CKAP5: variants seen among roughly 807,000 people sequenced by gnomAD.
The protein encoded by CKAP5 is cytoskeleton associated protein 5.
A neutral mutation model predicts 232.8 loss-of-function variants in CKAP5; 27 were observed. The ratio of observed to expected loss-of-function variants is 0.12; its 90% confidence interval spans 0.09 to 0.16. The LOEUF (loss-of-function observed/expected upper bound fraction) is 0.16, where lower values mean the gene tolerates loss of function less well. Ranked by LOEUF, CKAP5 falls within the 10% of genes least tolerant of loss-of-function variation. The probability of loss-of-function intolerance (pLI) is 1.00; values close to 1 mark genes in which losing one functional copy is unlikely to be tolerated. For missense variants in CKAP5, 1,838 were observed against 2,424.7 expected (o/e 0.76, Z 5.08); for synonymous variants, 785 against 841.1 (o/e 0.93, Z 1.16).
intron 32 of CKAP5, 41 bp from the exon 33 acceptor site, chr11:46,760,825 A>G: frequency 6.5e-7 from 1 of 1,535,338 alleles, no homozygotes; most frequent in Non-Finnish European, 8.9e-7. Context: ...TGGATAACAC[A>G]ATAATATCTA....
At chr11:46,774,590 A>G (rs983000102) in intron 24 of CKAP5, among the ~76,000 whole-genome samples, 1 of 152,232 alleles carries the variant, frequency 6.6e-6, no homozygotes, top group Non-Finnish European at 1.5e-5. Context: ...TTCAAATTAT[A>G]CTACAAGGCT....
At chr11:46,760,841 A>C (rs2065148485) in intron 32 of CKAP5, 57 bp from the exon 33 acceptor site, 2 of 1,451,318 alleles carry the variant, frequency 1.4e-6, no homozygotes, top group Non-Finnish European at 1.9e-6. Context: ...ATCTATTTTC[A>C]TATCAAAACA....
At chr11:46,841,633 G>C (rs1029604637) in intron 1 of CKAP5, among the ~76,000 whole-genome samples, 8 of 152,260 alleles carry the variant, frequency 5.3e-5, no homozygotes, top group African/African-American at 1.9e-4. Context: ...GTTATCCATG[G>C]AATCCAGAGA....
intron 7 of CKAP5, 47 bp from the exon 8 acceptor site, chr11:46,808,191 G>A: frequency 8.1e-7 from 1 of 1,228,978 alleles, no homozygotes; most frequent in Non-Finnish European, 1.2e-6. Flanking sequence ...TAAGAGAGCG[G>A]AATAAAAGTC....
intron 1 of CKAP5, among the ~76,000 whole-genome samples, chr11:46,825,801 T>C (rs566704717): frequency 6.6e-6 from 1 of 151,928 alleles, no homozygotes; most frequent in African/African-American, 2.4e-5. Flanking sequence ...TGCATACACA[T>C]GCCCAGAAAT....
intron 13 of CKAP5, among the ~76,000 whole-genome samples, chr11:46,791,336 A>G (rs1410401117): frequency 6.7e-6 from 1 of 150,278 alleles, no homozygotes; most frequent in East Asian, 2.0e-4. Flanking sequence ...TATAGCCTTG[A>G]CCTCCTGGGC....
intron 24 of CKAP5, among the ~76,000 whole-genome samples, chr11:46,775,273 C>T (rs1168019616): frequency 6.6e-6 from 1 of 152,150 alleles, no homozygotes; most frequent in Non-Finnish European, 1.5e-5. Context: ...CAAATCAAAA[C>T]ACAATGAGAT....
intron 4 of CKAP5, among the ~76,000 whole-genome samples, chr11:46,812,330 G>A (rs917648250): frequency 1.5e-4 from 22 of 151,120 alleles, no homozygotes; most frequent in Admixed American, 6.6e-5. Context: ...GCAAGGTTCC[G>A]TCTCAAAAAA....
At chr11:46,794,023 T>C (rs1938809893) in intron 13 of CKAP5, among the ~76,000 whole-genome samples, 1 of 152,152 alleles carries the variant, frequency 6.6e-6, no homozygotes, top group Non-Finnish European at 1.5e-5. Flanking sequence ...GGACAGTCTA[T>C]TCAACAAATG....
At chr11:46,835,731 G>A (rs1484537823) in intron 1 of CKAP5, among the ~76,000 whole-genome samples, 1 of 152,138 alleles carries the variant, frequency 6.6e-6, no homozygotes, top group Non-Finnish European at 1.5e-5. Context: ...CCGAATATAT[G>A]TAGATACCCT....
intron 23 of CKAP5, among the ~76,000 whole-genome samples, 187 bp downstream of exon 23, chr11:46,777,252 A>G (rs1430990881): frequency 2.0e-5 from 3 of 152,242 alleles, no homozygotes; most frequent in East Asian, 1.9e-4. Context: ...CACAAAACTA[A>G]TAAGTGATAC....
At chr11:46,793,721 G>A (rs974760826) in intron 13 of CKAP5, among the ~76,000 whole-genome samples, 7 of 152,146 alleles carry the variant, frequency 4.6e-5, no homozygotes, top group African/African-American at 1.2e-4. Flanking sequence ...TCAGGAGTTC[G>A]AGACCAGCTT....
chr11:46,808,186 G>C (rs1309485941), intron 7 of CKAP5, 42 bp from the exon 8 acceptor site: 1 of 1,288,928 alleles, frequency 7.8e-7, no homozygotes, highest in Admixed American at 1.9e-5. Context: ...GGAAATAAGA[G>C]AGCGGAATAA....
intron 32 of CKAP5, 116 bp downstream of exon 32, chr11:46,761,884 G>A (rs1331773806): frequency 5.4e-6 from 4 of 740,850 alleles, no homozygotes; most frequent in African/African-American, 5.2e-5. Flanking sequence ...GATAGGTTGA[G>A]TTGACTAAAA....
In CKAP5 at chr11:46,744,597, A is replaced by G; in HGVS notation, c.5705-20T>C. On this transcript the variant is annotated intron_variant, in intron 42 of 43. Coordinates refer to ENST00000529230, the MANE Select transcript of CKAP5 (RefSeq NM_001008938.4). ...AGATGCCTAGAGGGGAAAAAGTAGAAAGAATATTCAGATATCCACATATCC... is the reference window on the plus strand; with the variant it reads ...AGATGCCTAGAGGGGAAAAAGTAGAGAGAATATTCAGATATCCACATATCC... The G allele has an allele frequency of 6.2e-7, 1 of 1,610,820 alleles. No homozygotes were observed. Among genetic ancestry groups the G allele is most frequent in the South Asian group, 1.1e-5 (1 of 90,914 alleles).
Position 46,758,903 on chromosome 11 carries a change from C to A in CKAP5, c.4689+20G>T. 1.2e-6 allele frequency: 2 copies of A among 1,612,900 alleles called. No homozygotes were observed. Among genetic ancestry groups the A allele is most frequent in the South Asian group, 1.1e-5 (1 of 90,882 alleles). The stretch of plus-strand genomic sequence containing the variant: ...CTATGTCCACCAATGGAATCCCTGT[C>A]ACGGGAGCACACCCATTACCTGTGT... On this transcript the variant is annotated intron_variant, in intron 35 of 43. Transcript: ENST00000529230.
intron 3 of CKAP5, among the ~76,000 whole-genome samples, chr11:46,817,627 G>T (rs1206846990): frequency 6.6e-6 from 1 of 152,142 alleles, no homozygotes; most frequent in African/African-American, 2.4e-5. Context: ...AATCTTTGAA[G>T]TAAGTCAAGT....
chr11:46,749,457 GAAA>G (rs951405505), intron 42 of CKAP5, among the ~76,000 whole-genome samples: 1 of 76,484 alleles, frequency 1.3e-5, no homozygotes, highest in Non-Finnish European at 2.8e-5. Flanking sequence ...TCCGTCTCAA[GAAA>G]AAAAAAAAAA....
intron 31 of CKAP5, 121 bp from the exon 32 acceptor site, chr11:46,762,314 A>C (rs2065162146): frequency 9.0e-7 from 1 of 1,115,890 alleles, no homozygotes; most frequent in Non-Finnish European, 1.3e-6. Flanking sequence ...GGCTCTGCCT[A>C]GGATTTTTTG....
Sources: gnomAD v4.1 joint callset for allele counts (sites outside exome capture counted in the v4.1 genomes callset) on GRCh38, gnomAD v4.1.1 for gene constraint, MANE v1.5 for transcripts, NCBI Gene and HGNC (gene_info 2026-07-23, HGNC 2026-07-21) for gene names.